The following PCDHA5 variants were observed in gnomAD, a reference collection of about 807,000 sequenced individuals.
The protein encoded by PCDHA5 is protocadherin alpha 5, also known as protocadherin alpha-5.
Under a neutral mutation model 61.6 loss-of-function variants are expected in PCDHA5, and 43 were observed. That is an observed-to-expected ratio of 0.70 (90% CI 0.55 to 0.90). PCDHA5 has a LOEUF of 0.90. Among genes scored for constraint, PCDHA5 ranks in the 40% least tolerant of loss-of-function variants. The probability of loss-of-function intolerance (pLI) is 0.00; values close to 1 mark genes in which losing one functional copy is unlikely to be tolerated. For synonymous variants in PCDHA5, 627 were observed against 543.9 expected (o/e 1.15, Z -2.13); for missense variants, 1,298 against 1,222.7 (o/e 1.06, Z -0.92).
chr5:141,000,371 CT>C (rs2153963893), intron 3 of PCDHA5, among the ~76,000 whole-genome samples: 1 of 49,262 alleles, frequency 2.0e-5, no homozygotes, highest in East Asian at 6.6e-4. Context: ...GTCTCTCTCT[CT>C]CTCTCTCTCT....
intron 1 of PCDHA5, among the ~76,000 whole-genome samples, chr5:140,971,432 A>G (rs1446143040): frequency 6.6e-6 from 1 of 152,226 alleles, no homozygotes; most frequent in African/African-American, 2.4e-5. Context: ...AAGAACCCCA[A>G]GATCTACAGC....
chr5:140,879,064 G>C (rs1389510074), intron 1 of PCDHA5, among the ~76,000 whole-genome samples: 1 of 152,214 alleles, frequency 6.6e-6, no homozygotes, highest in South Asian at 2.1e-4. Flanking sequence ...TACCAAGAAA[G>C]TGTTAAGAGA....
rs782009999 is a variant in PCDHA5, at chr5:140,928,473, C to G, written c.2353-50476C>G. 25 of 1,614,096 alleles carry G rather than the reference C, an allele frequency of 1.5e-5. No individual in the cohort carries two copies. The East Asian group carries it at 2.5e-4, about 16-fold the overall frequency. ...GGGGGTTTCATTTCCAAGTAGAAGGCCGGGATGGTGGCATTCCTCCCAGAA... is the reference window on the plus strand; with the variant it reads ...GGGGGTTTCATTTCCAAGTAGAAGGGCGGGATGGTGGCATTCCTCCCAGAA... On this transcript the variant is annotated intron_variant, in intron 1 of 3. Transcript: ENST00000529859.
Position 140,848,523 on chromosome 5 carries a change from G to T in PCDHA5, c.2352+24396G>T, listed in dbSNP as rs1314273290. 2.8e-5 allele frequency: 45 copies of T among 1,593,246 alleles called. 8 individuals are homozygous for T. The highest frequency in any genetic ancestry group is 3.6e-5 in the Non-Finnish European group (42 of 1,164,214). Reference sequence around the variant, plus strand: ...GTTATACTCAAGTCGAGGAGATCCAGAGGGTCAGCCTCTACTGCTCTCGCT... The same window carrying T: ...GTTATACTCAAGTCGAGGAGATCCATAGGGTCAGCCTCTACTGCTCTCGCT... On this transcript the variant is annotated intron_variant, in intron 1 of 3. Transcript: ENST00000529859.
intron 1 of PCDHA5, chr5:140,884,343 C>T (rs368888498): frequency 1.2e-6 from 2 of 1,613,900 alleles, no homozygotes; most frequent in Non-Finnish European, 1.7e-6. Context: ...CCAGAAGCGG[C>T]GCTGGTGGAT....
Position 140,883,957 on chromosome 5 carries a change from G to A in PCDHA5, c.2352+59830G>A, listed in dbSNP as rs879988838. ...TGCTGGACGAGAACGACAACGCTCC[G>A]GCGCTGCTGACGCCCGGGGCTGGCA... On this transcript the variant is annotated intron_variant, in intron 1 of 3. Coordinates refer to ENST00000529859, the MANE Select transcript of PCDHA5 (RefSeq NM_018908.3). 10 of 1,613,246 alleles carry A rather than the reference G, an allele frequency of 6.2e-6. No individual in the cohort carries two copies. In the East Asian group the frequency reaches 1.3e-4, roughly 22 times the overall value.
At chr5:140,945,369 A>T (rs2153669585) in intron 1 of PCDHA5, among the ~76,000 whole-genome samples, 1 of 152,234 alleles carries the variant, frequency 6.6e-6, no homozygotes, top group African/African-American at 2.4e-5. Flanking sequence ...TAAAATGTCC[A>T]TATTACCCAA....
At chr5:140,870,543 C>T (rs1554164396) in intron 1 of PCDHA5, 6 of 1,614,114 alleles carry the variant, frequency 3.7e-6, no homozygotes, top group South Asian at 1.1e-5. Context: ...CGGCGCGGGA[C>T]GCGGACGCGC....
chr5:140,852,750 G>A (rs1477121492), intron 1 of PCDHA5: 2 of 984,026 alleles, frequency 2.0e-6, no homozygotes, highest in African/African-American at 3.5e-5. Flanking sequence ...TTTAAACTTG[G>A]ACCCAGGTAT....
intron 1 of PCDHA5, chr5:140,876,824 A>G (rs1554168970): frequency 1.2e-6 from 2 of 1,614,116 alleles, no homozygotes; most frequent in Non-Finnish European, 1.7e-6. Context: ...GTGAACGACA[A>G]TGCGCCTGCG....
intron 1 of PCDHA5, among the ~76,000 whole-genome samples, chr5:140,915,115 A>T (rs2076990702): frequency 1.3e-5 from 2 of 151,346 alleles, no homozygotes; most frequent in African/African-American, 4.9e-5. Context: ...CACCCACCTA[A>T]TTTTTATATT....
At chr5:140,899,983 T>C (rs1313036603) in intron 1 of PCDHA5, among the ~76,000 whole-genome samples, 5 of 151,754 alleles carry the variant, frequency 3.3e-5, no homozygotes, top group Non-Finnish European at 7.4e-5. Flanking sequence ...ACTTTTTTGA[T>C]TTTTTTTGTA....
At position 140,834,227 on chromosome 5, in the gene PCDHA5, A is replaced by T. The variant is rs1772849510; in HGVS notation, c.2352+10100A>T. The T allele has an allele frequency of 4.2e-6, 3 of 708,588 alleles. No individual in the cohort carries two copies. In the Admixed American group the frequency reaches 8.9e-5, roughly 21 times the overall value. 43.9% of individuals were successfully genotyped at this position (708,588 alleles called of 1,614,324 possible). ...AATTCTTTCGTAATCAGCAAAAGGAAGTCATTCCTTTTCGCACTGGAAAGA... is the reference window on the plus strand; with the variant it reads ...AATTCTTTCGTAATCAGCAAAAGGATGTCATTCCTTTTCGCACTGGAAAGA... On this transcript the variant is annotated intron_variant, in intron 1 of 3. Transcript: ENST00000529859.
intron 1 of PCDHA5, among the ~76,000 whole-genome samples, chr5:140,975,429 C>T (rs1006180121): frequency 2.6e-5 from 4 of 152,208 alleles, no homozygotes; most frequent in African/African-American, 9.6e-5. Flanking sequence ...AGGGTGTGCA[C>T]ACCAGGATAT....
At chr5:140,993,532 AG>A (rs2097571069) in intron 3 of PCDHA5, among the ~76,000 whole-genome samples, 7 of 152,102 alleles carry the variant, frequency 4.6e-5, no homozygotes, top group African/African-American at 1.7e-4. Context: ...ACAGAGAGAG[AG>A]AGAGATAGAG....
At chr5:140,935,732 A>G (rs933243274) in intron 1 of PCDHA5, among the ~76,000 whole-genome samples, 3 of 152,212 alleles carry the variant, frequency 2.0e-5, no homozygotes, top group African/African-American at 4.8e-5. Flanking sequence ...GAAGTCTAGT[A>G]TCTATTATTC....
intron 1 of PCDHA5, chr5:140,868,213 A>G (rs1296985055): frequency 6.6e-6 from 1 of 152,200 alleles, no homozygotes; most frequent in Non-Finnish European, 1.5e-5. Flanking sequence ...GAAATAATAT[A>G]TGTCAAATAA....
At chr5:140,891,223 C>T (rs903810382) in intron 1 of PCDHA5, among the ~76,000 whole-genome samples, 19 of 152,110 alleles carry the variant, frequency 1.2e-4, no homozygotes, top group Non-Finnish European at 2.2e-4. Flanking sequence ...TCTTTATAAT[C>T]ATCCTGTTCT....
Position 140,821,890 on chromosome 5 carries a change from A to G in PCDHA5, c.115A>G (p.Lys39Glu). ...QLHYSIPEEA[K>E]HGTFVGRIAQ... The stretch of plus-strand genomic sequence containing the variant: ...CCACTACTCGATCCCGGAGGAAGCC[A>G]AACACGGAACCTTCGTTGGCCGCAT... Residue 39 changes from lysine to glutamate, a missense_variant, in exon 1 of 4, where the codon AAA becomes GAA. Coordinates refer to ENST00000529859, the MANE Select transcript of PCDHA5 (RefSeq NM_018908.3). The G allele has an allele frequency of 4.3e-6, 7 of 1,614,240 alleles. No homozygotes were observed. Among genetic ancestry groups the G allele is most frequent in the Non-Finnish European group, 5.9e-6 (7 of 1,180,038 alleles).
Sources: gnomAD v4.1 joint callset for allele counts (sites outside exome capture counted in the v4.1 genomes callset) on GRCh38, gnomAD v4.1.1 for gene constraint, MANE v1.5 for transcripts, NCBI Gene and HGNC (gene_info 2026-07-23, HGNC 2026-07-21) for gene names.